SLC5A12: variants seen among roughly 807,000 people sequenced by gnomAD.
SLC5A12 encodes solute carrier family 5 member 12.
In SLC5A12, 46 loss-of-function variants were observed where a neutral mutation model predicts 72.7. The ratio of observed to expected loss-of-function variants is 0.63; its 90% CI spans 0.50 to 0.81. The LOEUF is 0.81. SLC5A12 is among the 30% of genes least tolerant of loss of function. The pLI is 0.00. For missense variants in SLC5A12, 683 were observed against 740.7 expected (o/e 0.92, Z 0.90); for synonymous variants, 275 against 264.4 (o/e 1.04, Z -0.39).
At chr11:26,679,713 A>T (rs1053227320) in intron 12 of SLC5A12, among the ~76,000 whole-genome samples, 1 of 152,182 alleles carries the variant, frequency 6.6e-6, no homozygotes, top group African/African-American at 2.4e-5. Context: ...AATTCAGAGT[A>T]GAAGGAAAAC....
At chr11:26,690,794 C>CA (rs11454502) in intron 9 of SLC5A12, among the ~76,000 whole-genome samples, 18,878 of 135,360 alleles carry the variant, frequency 0.14, 1,894 homozygotes, top group African/African-American at 0.29. Flanking sequence ...AACTCTGTCT[C>CA]AAAAAAAAAA....
At position 26,711,211 on chromosome 11, in the gene SLC5A12, A is replaced by G. The variant is rs564428076; in HGVS notation, c.457+96T>C. 1.9e-5 allele frequency: 19 copies of G among 1,002,170 alleles called. No individual in the cohort carries two copies. In the South Asian group the frequency reaches 2.2e-4, roughly 12 times the overall value. 62.1% of individuals were successfully genotyped at this position (1,002,170 alleles called of 1,614,324 possible). On this transcript the variant is annotated intron_variant, in intron 3 of 14. Transcript: ENST00000396005. ...AATTCAGAATCCTCTAACCAGAAGA[A>G]TATCTCCCCAACAAAGTATTTTATT...
In SLC5A12 at chr11:26,671,150, A is replaced by G; in HGVS notation, c.1809T>C (p.Pro603=). 1 of 1,612,760 alleles carries G rather than the reference A, an allele frequency of 6.2e-7. No individual in the cohort carries two copies. Among genetic ancestry groups the G allele is most frequent in the Non-Finnish European group, 8.5e-7 (1 of 1,179,296 alleles). ...ESLVHVPGYD[P]KDKSYNNMAF... ...CCATATTGTTGTAGCTTTTGTCCTT[A>G]GGATCATAGCCTGGAACATGTACCA... is the stretch of plus-strand genomic sequence containing the variant. Residue 603 remains proline (P), a synonymous_variant, in exon 15 of 15, where the codon CCT becomes CCC. Transcript: ENST00000396005.
intron 11 of SLC5A12, among the ~76,000 whole-genome samples, chr11:26,682,480 G>A (rs1277360060): frequency 6.6e-6 from 1 of 152,146 alleles, no homozygotes; most frequent in East Asian, 1.9e-4. Flanking sequence ...TCTATGGGAA[G>A]GAGAGCCATG....
intron 10 of SLC5A12, among the ~76,000 whole-genome samples, chr11:26,685,559 A>C (rs1418577542): frequency 6.6e-6 from 1 of 151,948 alleles, no homozygotes; most frequent in Non-Finnish European, 1.5e-5. Context: ...AGTGAACCAA[A>C]ATCACACTAC....
intron 9 of SLC5A12, among the ~76,000 whole-genome samples, chr11:26,690,794 CAA>C (rs11454502): frequency 7.4e-6 from 1 of 135,454 alleles, no homozygotes; most frequent in African/African-American, 2.7e-5. Flanking sequence ...AACTCTGTCT[CAA>C]AAAAAAAAAA....
intron 9 of SLC5A12, among the ~76,000 whole-genome samples, chr11:26,688,744 G>A (rs557642279): frequency 6.6e-6 from 1 of 152,250 alleles, no homozygotes; most frequent in East Asian, 1.9e-4. Context: ...GGAAGACAGG[G>A]TGTAACACCA....
At chr11:26,698,662 T>G in intron 6 of SLC5A12, 127 bp from the exon 7 acceptor site, 4 of 804,690 alleles carry the variant, frequency 5.0e-6, no homozygotes, top group Non-Finnish European at 7.4e-6. Flanking sequence ...TCTATAGCCT[T>G]TAAGAATCAC....
rs185969104 is a variant in SLC5A12, at chr11:26,670,267, C to A, written c.*835G>T. ...ATTTGCAACGTTCTTTTACCAAATTCTATCCTAACAACCTTCTATAGGACA... is the reference window on the plus strand; with the variant it reads ...ATTTGCAACGTTCTTTTACCAAATTATATCCTAACAACCTTCTATAGGACA... On this transcript the variant is annotated 3_prime_UTR_variant, in exon 15 of 15. Coordinates refer to ENST00000396005, the MANE Select transcript of SLC5A12 (RefSeq NM_178498.4). The A allele has an allele frequency of 6.6e-6, 1 of 152,206 alleles. No individual in the cohort carries two copies. The highest frequency in any genetic ancestry group is 6.6e-5 in the Admixed American group (1 of 15,252). 9.4% of individuals were successfully genotyped at this position (152,206 alleles called of 1,614,324 possible).
intron 12 of SLC5A12, among the ~76,000 whole-genome samples, chr11:26,679,583 A>C: frequency 6.6e-6 from 1 of 152,166 alleles, no homozygotes; most frequent in Admixed American, 6.6e-5. Context: ...GGCTCTTGAA[A>C]GATAAACAGA....
At chr11:26,686,131 A>G (rs1409737442) in intron 10 of SLC5A12, among the ~76,000 whole-genome samples, 1 of 152,188 alleles carries the variant, frequency 6.6e-6, no homozygotes, top group Non-Finnish European at 1.5e-5. Flanking sequence ...TATTGGTTTT[A>G]CTATTTTTAT....
At chr11:26,673,965 C>A (rs916080345) in intron 13 of SLC5A12, among the ~76,000 whole-genome samples, 1 of 152,048 alleles carries the variant, frequency 6.6e-6, no homozygotes, top group African/African-American at 2.4e-5. Flanking sequence ...TCCTTCTTTT[C>A]TTTCACCCTA....
Position 26,698,417 on chromosome 11 carries a change from C to T in SLC5A12, c.940G>A (p.Ala314Thr), listed in dbSNP as rs1267356454. Residue 314 changes from alanine (A) to threonine (T), a missense_variant, in exon 7 of 15, where the codon GCA becomes ACA. Ala to Thr is a moderately conservative substitution (Grantham distance 58). Transcript: ENST00000396005. Reference sequence around the variant, plus strand: ...AAGAAAACCCATACCTGGTCTGGTGCTGAGATGATGCCAGAAGTCCAAGGG... The same window carrying T: ...AAGAAAACCCATACCTGGTCTGGTGTTGAGATGATGCCAGAAGTCCAAGGG... ...CDPWTSGIIS[A>T]PDQLMPYFVM... The T allele has an allele frequency of 6.2e-7, 1 of 1,613,740 alleles. No individual in the cohort carries two copies. Among genetic ancestry groups the T allele is most frequent in the African/African-American group, 1.3e-5 (1 of 74,884 alleles).
intron 13 of SLC5A12, among the ~76,000 whole-genome samples, chr11:26,678,102 A>C (rs1046527466): frequency 1.3e-5 from 2 of 152,300 alleles, no homozygotes; most frequent in Admixed American, 6.5e-5. Flanking sequence ...CTAGAGAAGC[A>C]GCCTCCAAAG....
chr11:26,708,726 C>T (rs1296632208), intron 4 of SLC5A12, among the ~76,000 whole-genome samples: 1 of 151,906 alleles, frequency 6.6e-6, no homozygotes, highest in African/African-American at 2.4e-5. Flanking sequence ...TTTAACTAAA[C>T]TATATATAAT....
intron 4 of SLC5A12, among the ~76,000 whole-genome samples, chr11:26,706,168 G>A (rs1171075831): frequency 7.2e-5 from 11 of 151,894 alleles, no homozygotes; most frequent in African/African-American, 1.2e-4. Flanking sequence ...GTAAAGAGAC[G>A]GCAATATGAG....
At chr11:26,680,879 G>A (rs1048026084) in intron 12 of SLC5A12, among the ~76,000 whole-genome samples, 176 bp downstream of exon 12, 2 of 152,104 alleles carry the variant, frequency 1.3e-5, no homozygotes. Context: ...CAGAGGAATG[G>A]ACATCTGCAG....
At chr11:26,698,311 T>C in intron 7 of SLC5A12, 95 bp downstream of exon 7, 2 of 1,484,826 alleles carry the variant, frequency 1.3e-6, no homozygotes, top group South Asian at 2.7e-5. Context: ...TAGTGAGCAG[T>C]CCAGGAAGAA....
chr11:26,709,123 A>C, intron 4 of SLC5A12, 189 bp downstream of exon 4: 1 of 442,818 alleles, frequency 2.3e-6, no homozygotes. Flanking sequence ...AATTCTCCTA[A>C]AGGTTGGTAA....
Sources: allele counts gnomAD v4.1 joint callset (sites outside exome capture counted in the v4.1 genomes callset), GRCh38; gene constraint gnomAD v4.1.1; transcripts MANE v1.5; gene names NCBI Gene and HGNC (gene_info 2026-07-23, HGNC 2026-07-21).